ADH1A: variants seen among roughly 807,000 people sequenced by gnomAD.
The protein encoded by ADH1A is alcohol dehydrogenase 1A.
ADH1A carries 29 observed loss-of-function variants against 35.2 expected under a neutral mutation model. That is an observed-to-expected ratio of 0.82 (90% CI 0.61 to 1.12). ADH1A has a LOEUF of 1.12. Among genes scored for constraint, ADH1A ranks in the 50% most tolerant of loss-of-function variants. The pLI is 0.00. For synonymous variants in ADH1A, 147 were observed against 164.8 expected (o/e 0.89, Z 0.83); for missense variants, 469 against 464.7 (o/e 1.01, Z -0.09).
At chr4:99,287,246 T>G (rs926460483) in intron 2 of ADH1A, among the ~76,000 whole-genome samples, 14 of 152,194 alleles carry the variant, frequency 9.2e-5, no homozygotes, top group African/African-American at 3.1e-4. Context: ...TTAAATAATA[T>G]AAAAGAATGC....
In ADH1A at chr4:99,286,931, T is replaced by TAC. The variant is rs1201732774; in HGVS notation, c.177_178insGT (p.Thr60ValfsTer6). ...TGGCCTAAAATCACAGGAAGTGGGG[T>TAC]CACCATGGTACCACTAACCACGTGG... On this transcript the variant is annotated frameshift_variant, in exon 3 of 9. Coordinates refer to ENST00000209668, the MANE Select transcript of ADH1A (RefSeq NM_000667.4). LOFTEE classifies it high-confidence loss of function. 1 of 1,613,958 alleles carries TAC rather than the reference T, an allele frequency of 6.2e-7. No individual in the cohort carries two copies. The highest frequency in any genetic ancestry group is 1.3e-5 in the African/African-American group (1 of 74,870).
At chr4:99,280,466 C>T (rs549335166) in intron 6 of ADH1A, among the ~76,000 whole-genome samples, 187 bp from the exon 7 acceptor site, 19 of 148,632 alleles carry the variant, frequency 1.3e-4, no homozygotes, top group South Asian at 1.0e-3. Context: ...GCCCAGAAAA[C>T]GGTTTTTTAA....
At position 99,280,247 on chromosome 4, in the gene ADH1A, A is replaced by G. The variant is rs774417687; in HGVS notation, c.861T>C (p.Cys287=). The G allele has an allele frequency of 1.1e-5, 17 of 1,613,686 alleles. No individual in the cohort carries two copies. In the East Asian group the frequency reaches 1.3e-4, roughly 13 times the overall value. The change falls in exon 7 of 9, where the codon TGT becomes TGC. Residue 287 remains cysteine, a synonymous_variant. Coordinates refer to ENST00000209668, the MANE Select transcript of ADH1A (RefSeq NM_000667.4). The stretch of plus-strand genomic sequence containing the variant: ...GTACCCCTACGATGACACTTGTGCC[A>G]CATGCCTCATGACAACATAACAGGG... ...MASLLCCHEA[C]GTSVIVGVPP...
At position 99,279,453 on chromosome 4, in the gene ADH1A, C is replaced by T; in HGVS notation, c.1076G>A (p.Gly359Glu). Residue 359 changes from glycine (G) to glutamate (E), a missense_variant, in exon 8 of 9, where the codon GGA (glycine) becomes GAA (glutamate). Coordinates refer to ENST00000209668, the MANE Select transcript of ADH1A (RefSeq NM_000667.4). ...TTTCCCAGAGTGAAGCAGGTCAAATCCTTCATTTATTTTTTCAAAAGGTAA... is the reference window on the plus strand; with the variant it reads ...TTTCCCAGAGTGAAGCAGGTCAAATTCTTCATTTATTTTTTCAAAAGGTAA... The part of the protein sequence containing the change: ...HVLPFEKINE[G>E]FDLLHSGKSI... 6.8e-6 allele frequency: 11 copies of T among 1,606,556 alleles called. No individual in the cohort carries two copies. Among genetic ancestry groups the T allele is most frequent in the Non-Finnish European group, 9.3e-6 (11 of 1,177,782 alleles).
intron 8 of ADH1A, among the ~76,000 whole-genome samples, chr4:99,276,996 T>A (rs1732885796): frequency 6.6e-6 from 1 of 152,178 alleles, no homozygotes; most frequent in African/African-American, 2.4e-5. Flanking sequence ...TTTTTGCTAT[T>A]TGTCACATTC....
At chr4:99,289,478 C>G (rs930399256) in intron 1 of ADH1A, among the ~76,000 whole-genome samples, 13 of 152,046 alleles carry the variant, frequency 8.6e-5, no homozygotes, top group African/African-American at 3.1e-4. Flanking sequence ...AAAAAGTTAG[C>G]AAAAAGTTAA....
chr4:99,277,685 T>C (rs1401918554), intron 8 of ADH1A, among the ~76,000 whole-genome samples: 1 of 152,104 alleles, frequency 6.6e-6, no homozygotes, highest in Non-Finnish European at 1.5e-5. Context: ...TTATATTCTT[T>C]ATTATATGAG....
chr4:99,285,746 T>G (rs2110609586), intron 3 of ADH1A, among the ~76,000 whole-genome samples: 1 of 152,158 alleles, frequency 6.6e-6, no homozygotes, highest in Middle Eastern at 3.4e-3. Flanking sequence ...ATCTAGTGCC[T>G]AAAGTGATTT....
Position 99,284,739 on chromosome 4 carries a change from C to T in ADH1A, c.324G>A (p.Glu108=), listed in dbSNP as rs1321858956. Residue 108 remains glutamate (E), a synonymous_variant, in exon 4 of 9, where the codon GAG becomes GAA. Transcript: ENST00000209668. ...ACTCGTTTTTCAAGCAGTAGTTGCTCTCCGGGTTTTTACAAATTCTGCATT... is the reference window on the plus strand; with the variant it reads ...ACTCGTTTTTCAAGCAGTAGTTGCTTTCCGGGTTTTTACAAATTCTGCATT... ...CGKCRICKNP[E]SNYCLKNDVS... 2 of 1,614,060 alleles carry T rather than the reference C, an allele frequency of 1.2e-6. No homozygotes were observed. The highest frequency in any genetic ancestry group is 3.3e-5 in the Admixed American group (2 of 60,006).
intron 5 of ADH1A, among the ~76,000 whole-genome samples, chr4:99,283,473 T>TATTCATTCATTCATTCATTCATTC (rs146495893): frequency 6.6e-6 from 1 of 151,582 alleles, no homozygotes; most frequent in African/African-American, 2.4e-5. Flanking sequence ...TAAGGGTGTC[T>TATTCATTCATTCATTCATTCATTC]ATTCATTCAT....
chr4:99,290,886 T>G lies in ADH1A; in HGVS notation c.18+11A>C, dbSNP rs1470191370. 6.2e-7 allele frequency: 1 copy of G among 1,612,900 alleles called. No homozygotes were observed. The highest frequency in any genetic ancestry group is 8.5e-7 in the Non-Finnish European group (1 of 1,178,872). ...GAATATAGTTCCAACAGTAATATAT[T>G]TTTTGCTTACTTTTCCTGCTGTGCT... On this transcript the variant is annotated intron_variant, in intron 1 of 8. Coordinates refer to ENST00000209668, the MANE Select transcript of ADH1A (RefSeq NM_000667.4).
At chr4:99,281,143 A>G (rs973044907) in intron 6 of ADH1A, 30 of 152,214 alleles carry the variant, frequency 2.0e-4, no homozygotes, top group African/African-American at 6.8e-4. Context: ...AAAAAGTGGA[A>G]TCTCTTGACA....
Position 99,280,047 on chromosome 4 carries a change from GTTTTT to G in ADH1A, c.964+92_964+96del, listed in dbSNP as rs1223595629. The G allele has an allele frequency of 1.9e-4, 290 of 1,527,086 alleles. No individual in the cohort carries two copies. The African/African-American group carries it at 3.5e-3, about 18-fold the overall frequency. The allele number at this position is 1,527,086 out of a possible 1,614,324, so 94.6% of individuals were successfully genotyped here. On this transcript the variant is annotated intron_variant, in intron 7 of 8. Coordinates refer to ENST00000209668, the MANE Select transcript of ADH1A (RefSeq NM_000667.4). ...GTAGATAGAAAAGGAATTTTAATTT[GTTTTT>G]GATCTGCTTTTCAAAACCTTGCCTT...
chr4:99,277,035 C>T (rs1197206895), intron 8 of ADH1A, among the ~76,000 whole-genome samples: 1 of 152,010 alleles, frequency 6.6e-6, no homozygotes, highest in African/African-American at 2.4e-5. Context: ...TAAACTTCAA[C>T]CTAAACATCA....
chr4:99,280,792 C>G (rs1029771578), intron 6 of ADH1A, among the ~76,000 whole-genome samples: 2 of 152,088 alleles, frequency 1.3e-5, no homozygotes, highest in Non-Finnish European at 2.9e-5. Flanking sequence ...GTCCATTTCT[C>G]AAATGGACAT....
chr4:99,279,780 A>T (rs1732953002), intron 7 of ADH1A, among the ~76,000 whole-genome samples: 1 of 152,178 alleles, frequency 6.6e-6, no homozygotes. Flanking sequence ...TCTCTCTCCC[A>T]CAGAGAAATC....
intron 6 of ADH1A, chr4:99,282,127 T>G: frequency 2.4e-6 from 2 of 834,782 alleles, no homozygotes; most frequent in Non-Finnish European, 3.6e-6. Flanking sequence ...CCCTTTGCTT[T>G]TCCTCTAGAG....
chr4:99,286,880 C>T lies in ADH1A; in HGVS notation c.229G>A (p.Val77Ile), dbSNP rs1001865521. The change falls in exon 3 of 9, where the codon GTT (valine) becomes ATT (isoleucine). Residue 77 changes from valine (V) to isoleucine (I), a missense_variant. Physicochemically the swap from Val to Ile is conservative, Grantham distance 29. Coordinates refer to ENST00000209668, the MANE Select transcript of ADH1A (RefSeq NM_000667.4). ...TTGACTGTAGTCACCCCTTCTCCAA[C>T]ACTCTCCACGATGCCGGCTGCCTCA... ...GHEAAGIVESVGEGVTTVKPG... is the reference protein window; with the variant it reads ...GHEAAGIVESIGEGVTTVKPG... The T allele has an allele frequency of 6.2e-7, 1 of 1,614,206 alleles. No homozygotes were observed. The highest frequency in any genetic ancestry group is 1.7e-5 in the Admixed American group (1 of 60,034).
At position 99,279,448 on chromosome 4, in the gene ADH1A, C is replaced by A; in HGVS notation, c.1081G>T (p.Asp361Tyr). 6.2e-7 allele frequency: 1 copy of A among 1,606,648 alleles called. No individual in the cohort carries two copies. ...LPFEKINEGFDLLHSGKSIRT... is the reference protein window; with the variant it reads ...LPFEKINEGFYLLHSGKSIRT... ...TACCTTTTCCCAGAGTGAAGCAGGT[C>A]AAATCCTTCATTTATTTTTTCAAAA... Residue 361 changes from aspartate (D) to tyrosine (Y), a missense_variant, in exon 8 of 9, where the codon GAC (aspartate) becomes TAC (tyrosine). Asp to Tyr is a radical substitution (Grantham distance 160). Transcript: ENST00000209668.
Sources: allele counts gnomAD v4.1 joint callset (sites outside exome capture counted in the v4.1 genomes callset), GRCh38; gene constraint gnomAD v4.1.1; transcripts MANE v1.5; gene names NCBI Gene and HGNC (gene_info 2026-07-23, HGNC 2026-07-21).